CDIN1: variants seen among roughly 807,000 people sequenced by gnomAD.
CDIN1 encodes CDAN1-interacting nuclease 1.
Under a neutral mutation model 45.3 loss-of-function variants are expected in CDIN1, and 33 were observed. That is an observed-to-expected ratio of 0.73 (90% CI 0.55 to 0.97). CDIN1 has a LOEUF of 0.97. Among genes scored for constraint, CDIN1 ranks in the 50% least tolerant of loss-of-function variants. CDIN1 has a pLI of 0.00. For synonymous variants in CDIN1, 118 were observed against 124.4 expected (o/e 0.95, Z 0.34); for missense variants, 303 against 339.4 (o/e 0.89, Z 0.84).
chr15:36,592,422 C>G (rs1371957023), intron 1 of CDIN1, among the ~76,000 whole-genome samples: 1 of 152,218 alleles, frequency 6.6e-6, no homozygotes, highest in Non-Finnish European at 1.5e-5. Context: ...TTAAGCCTCA[C>G]ACACCACTGC....
chr15:36,613,337 T>C (rs1270720808), intron 1 of CDIN1: 4 of 706,794 alleles, frequency 5.7e-6, no homozygotes, highest in Non-Finnish European at 9.8e-6. Flanking sequence ...TGCTATATAT[T>C]GATGACGTAA....
intron 10 of CDIN1, among the ~76,000 whole-genome samples, chr15:36,728,813 A>G (rs2043736462): frequency 6.6e-6 from 1 of 152,072 alleles, no homozygotes; most frequent in Non-Finnish European, 1.5e-5. Context: ...AGCTGGGACT[A>G]TAGACGCGTG....
intron 1 of CDIN1, among the ~76,000 whole-genome samples, chr15:36,638,578 A>G (rs186480744): frequency 6.6e-6 from 1 of 152,362 alleles, no homozygotes; most frequent in East Asian, 1.9e-4. Context: ...CCTTTGCTGC[A>G]GGGAGAATAA....
chr15:36,613,917 G>A, intron 1 of CDIN1: 1 of 1,549,804 alleles, frequency 6.5e-7, no homozygotes, highest in Admixed American at 1.7e-5. Flanking sequence ...GAGCTGAGCT[G>A]GCAGAGCCCC....
chr15:36,693,202 A>C (rs2042312750), intron 7 of CDIN1, among the ~76,000 whole-genome samples: 1 of 152,202 alleles, frequency 6.6e-6, no homozygotes, highest in African/African-American at 2.4e-5. Flanking sequence ...TGCCTATATA[A>C]GTAAAGTTAA....
intron 10 of CDIN1, among the ~76,000 whole-genome samples, chr15:36,756,517 T>C (rs571382312): frequency 6.6e-6 from 1 of 152,342 alleles, no homozygotes; most frequent in Non-Finnish European, 1.5e-5. Context: ...AGTTTCCTTG[T>C]GGTGATGAGC....
intron 8 of CDIN1, chr15:36,707,340 G>C (rs1386411620): frequency 6.6e-6 from 1 of 152,006 alleles, no homozygotes; most frequent in Non-Finnish European, 1.5e-5. Context: ...GAGAGAGAAA[G>C]AGAGAGAGCG....
rs996957773 is a variant in CDIN1, at chr15:36,684,047, C to G, written c.347-7638C>G. Among the ~76,000 whole-genome samples, 877 of 150,816 alleles carry G rather than the reference C, an allele frequency of 5.8e-3. 12 individuals carry two copies. Among genetic ancestry groups the G allele is most frequent in the African/African-American group, 0.02 (824 of 40,852 alleles). On this transcript the variant is annotated intron_variant, in intron 5 of 10. Transcript: ENST00000566621. ...AGGGACAATTTGACTTTCTCTTTTC[C>G]TAATTGAATACCCTTTATTTCCTTC... is the stretch of plus-strand genomic sequence containing the variant.
At chr15:36,808,283 T>A in intron 10 of CDIN1, 41 bp from the exon 11 acceptor site, 1 of 1,609,666 alleles carries the variant, frequency 6.2e-7, no homozygotes, top group East Asian at 2.2e-5. Flanking sequence ...AAGAGCTCTG[T>A]TGATACCATG....
chr15:36,708,181 A>T (rs1173666138), intron 8 of CDIN1: 1 of 152,220 alleles, frequency 6.6e-6, no homozygotes, highest in Non-Finnish European at 1.5e-5. Context: ...GAAATAAGCT[A>T]CCCAACACTG....
At chr15:36,699,784 T>G (rs1479619841) in intron 8 of CDIN1, among the ~76,000 whole-genome samples, 1 of 152,202 alleles carries the variant, frequency 6.6e-6, no homozygotes, top group Non-Finnish European at 1.5e-5. Context: ...CCTGAGCAGT[T>G]GTTATGGCAC....
intron 10 of CDIN1, among the ~76,000 whole-genome samples, chr15:36,802,250 T>C (rs1006778002): frequency 2.0e-5 from 3 of 152,190 alleles, no homozygotes; most frequent in African/African-American, 4.8e-5. Flanking sequence ...AATTAGTCTG[T>C]ACATGTAAAA....
At chr15:36,632,181 G>A (rs906852559) in intron 1 of CDIN1, among the ~76,000 whole-genome samples, 1 of 152,070 alleles carries the variant, frequency 6.6e-6, no homozygotes, top group Non-Finnish European at 1.5e-5. Context: ...TTTCCAAAGC[G>A]GCTACACCAT....
intron 1 of CDIN1, chr15:36,617,338 G>C: frequency 6.7e-7 from 1 of 1,502,144 alleles, no homozygotes; most frequent in Non-Finnish European, 9.3e-7. Flanking sequence ...AAATACTACA[G>C]GCATTGAAGA....
chr15:36,637,550 A>G (rs936008354), intron 1 of CDIN1, among the ~76,000 whole-genome samples: 1 of 152,162 alleles, frequency 6.6e-6, no homozygotes, highest in Non-Finnish European at 1.5e-5. Flanking sequence ...CACTTGAAAA[A>G]TTGTTTGACA....
intron 1 of CDIN1, among the ~76,000 whole-genome samples, chr15:36,585,271 A>T (rs1393621777): frequency 6.6e-6 from 1 of 152,230 alleles, no homozygotes; most frequent in Non-Finnish European, 1.5e-5. Context: ...TCAGTAAGTT[A>T]ATTTTAATGC....
chr15:36,669,644 G>C (rs1277307013), intron 5 of CDIN1, among the ~76,000 whole-genome samples: 1 of 152,016 alleles, frequency 6.6e-6, no homozygotes, highest in South Asian at 2.1e-4. Flanking sequence ...CCCAATCCAG[G>C]ATTCCACATT....
chr15:36,714,341 C>G lies in CDIN1; in HGVS notation c.716+4380C>G, dbSNP rs370024259. ...AATCTTATGTTGGTCGGTTGCTTTC[C>G]CAAAACTTCAGACAGTTCTCTCATT... is the stretch of plus-strand genomic sequence containing the variant. On this transcript the variant is annotated intron_variant, in intron 10 of 10. Coordinates refer to ENST00000566621, the MANE Select transcript of CDIN1 (RefSeq NM_001321759.2). Among the ~76,000 whole-genome samples the G allele has an allele frequency of 3.8e-4, 58 of 152,068 alleles. No homozygotes were observed. The East Asian group carries it at 7.9e-3, about 21-fold the overall frequency.
chr15:36,597,570 C>T (rs1311861556), intron 1 of CDIN1, among the ~76,000 whole-genome samples: 3 of 152,250 alleles, frequency 2.0e-5, no homozygotes, highest in East Asian at 3.9e-4. Context: ...TCCTATTTTT[C>T]GTTCTTTTCT....
Sources: allele counts gnomAD v4.1 joint callset (sites outside exome capture counted in the v4.1 genomes callset), GRCh38; gene constraint gnomAD v4.1.1; transcripts MANE v1.5; gene names NCBI Gene and HGNC (gene_info 2026-07-23, HGNC 2026-07-21).